Variants in ATF7IP observed in about 807,000 individuals in gnomAD.
ATF7IP encodes the protein activating transcription factor 7-interacting protein 1.
Under a neutral mutation model 106.4 loss-of-function variants are expected in ATF7IP, and 23 were observed. That is an observed-to-expected ratio of 0.22 (90% CI 0.16 to 0.31). ATF7IP has a LOEUF of 0.31. Among genes scored for constraint, ATF7IP ranks in the 10% least tolerant of loss-of-function variants. The pLI is 1.00. For synonymous variants in ATF7IP, 542 were observed against 539.0 expected, an observed-to-expected ratio of 1.01 and a Z score of -0.08; for missense variants, 1,334 against 1,524.3, an observed-to-expected ratio of 0.88 and a Z score of 2.08.
At chr12:14,386,729 T>C (rs1939261523) in intron 1 of ATF7IP, among the ~76,000 whole-genome samples, 1 of 152,122 alleles carries the variant, frequency 6.6e-6, no homozygotes, top group African/African-American at 2.4e-5. Flanking sequence ...TAAACAAAAC[T>C]TGGAAACGAG....
chr12:14,377,315 C>T lies in ATF7IP; in HGVS notation c.-8+11488C>T, dbSNP rs970794265. On this transcript the variant is annotated intron_variant, in intron 1 of 14. Transcript: ENST00000261168. ...CAGCCCGAAATTCATTTTTAAATTT[C>T]ACATTTCCAGTGTGGTTACGGTTAC... Among the ~76,000 whole-genome samples the T allele has an allele frequency of 5.3e-5, 8 of 150,426 alleles. No homozygotes were observed. The Admixed American group carries it at 5.3e-4, about 10-fold the overall frequency.
intron 1 of ATF7IP, among the ~76,000 whole-genome samples, chr12:14,405,389 C>CT (rs904980498): frequency 1.5e-4 from 17 of 109,758 alleles, no homozygotes; most frequent in African/African-American, 4.9e-4. Context: ...GATTTAGGGT[C>CT]TTTTTTCTTT....
chr12:14,461,491 A>G (rs1943636461), intron 9 of ATF7IP, among the ~76,000 whole-genome samples: 1 of 152,190 alleles, frequency 6.6e-6, no homozygotes, highest in Non-Finnish European at 1.5e-5. Flanking sequence ...TACATAATAT[A>G]TGCTTTTAAG....
intron 1 of ATF7IP, among the ~76,000 whole-genome samples, chr12:14,401,013 C>G (rs1235083068): frequency 6.6e-6 from 1 of 151,920 alleles, no homozygotes; most frequent in East Asian, 1.9e-4. Flanking sequence ...GAATACTAAT[C>G]CTATATCACT....
chr12:14,421,927 G>A (rs774564795), intron 1 of ATF7IP, among the ~76,000 whole-genome samples: 1 of 152,072 alleles, frequency 6.6e-6, no homozygotes, highest in African/African-American at 2.4e-5. Flanking sequence ...ACCTTTTTAA[G>A]AAACCTACTT....
chr12:14,391,941 G>A (rs1350036546), intron 1 of ATF7IP, among the ~76,000 whole-genome samples: 2 of 151,788 alleles, frequency 1.3e-5, no homozygotes, highest in East Asian at 1.9e-4. Flanking sequence ...GGTTGGTCTC[G>A]AACTCCTGAC....
rs1255880720 is a variant in ATF7IP at position 14,499,628 on chromosome 12, G to C, written c.*1555G>C. The C allele has an allele frequency of 6.6e-6, 1 of 152,144 alleles. No homozygotes were observed. Among genetic ancestry groups the C allele is most frequent in the Non-Finnish European group, 1.5e-5 (1 of 68,036 alleles). 9.4% of individuals were successfully genotyped at this position (152,144 alleles called of 1,614,324 possible). On this transcript the variant is annotated 3_prime_UTR_variant, in exon 15 of 15. Transcript: ENST00000261168. ...GTTTTGATGGTGCCAAGTTGAGTCT[G>C]ATGTACCCATTGTTAGCTTTGGATA...
In ATF7IP at chr12:14,498,330, T is replaced by C. The variant is rs1041425282; in HGVS notation, c.*257T>C. 3.3e-5 allele frequency: 13 copies of C among 397,020 alleles called. No individual in the cohort carries two copies. Among genetic ancestry groups the C allele is most frequent in the African/African-American group, 2.0e-4 (10 of 49,204 alleles). 24.6% of individuals were successfully genotyped at this position (397,020 alleles called of 1,614,324 possible). On this transcript the variant is annotated 3_prime_UTR_variant, in exon 15 of 15. Coordinates refer to ENST00000261168, the MANE Select transcript of ATF7IP (RefSeq NM_018179.5). ...GCTTTAGTTTTGAGGCTGGGGAATA[T>C]GTGTGGGTGTTTATGTGTGTTTTTC...
intron 1 of ATF7IP, among the ~76,000 whole-genome samples, chr12:14,376,544 G>A (rs1565469109): frequency 6.6e-6 from 1 of 152,156 alleles, no homozygotes; most frequent in African/African-American, 2.4e-5. Context: ...GATGTTTTGT[G>A]AACTGCTATA....
chr12:14,483,117 TGACTAC>T (rs1235445757), intron 13 of ATF7IP, among the ~76,000 whole-genome samples: 1 of 152,252 alleles, frequency 6.6e-6, no homozygotes, highest in Non-Finnish European at 1.5e-5. Context: ...CTGGTATTGA[TGACTAC>T]CTTCTTCTAC....
chr12:14,394,943 A>G (rs1939755288), intron 1 of ATF7IP: 2 of 152,170 alleles, frequency 1.3e-5, no homozygotes. Context: ...GTCATTTTGA[A>G]GATATACTCT....
intron 1 of ATF7IP, among the ~76,000 whole-genome samples, chr12:14,366,937 A>G (rs537477825): frequency 1.3e-5 from 2 of 152,272 alleles, no homozygotes; most frequent in South Asian, 4.1e-4. Context: ...GGTTTTATTA[A>G]TAGTTTTTTA....
intron 1 of ATF7IP, among the ~76,000 whole-genome samples, chr12:14,421,228 A>G (rs1246719200): frequency 6.6e-6 from 1 of 152,228 alleles, no homozygotes; most frequent in Non-Finnish European, 1.5e-5. Context: ...GTAATTATGC[A>G]TCAGTCTTGA....
chr12:14,425,611 T>TA (rs1941801862), intron 2 of ATF7IP, 138 bp downstream of exon 2: 1 of 841,292 alleles, frequency 1.2e-6, no homozygotes, highest in African/African-American at 1.7e-5. Flanking sequence ...AAAGATGTCT[T>TA]AACTTCATAG....
chr12:14,429,364 T>G (rs1053485848), intron 2 of ATF7IP, among the ~76,000 whole-genome samples: 1 of 152,202 alleles, frequency 6.6e-6, no homozygotes, highest in Non-Finnish European at 1.5e-5. Context: ...CCTTTCTCAT[T>G]CTATTTCTTG....
chr12:14,457,891 T>G (rs570155051), intron 8 of ATF7IP, among the ~76,000 whole-genome samples: 1 of 152,086 alleles, frequency 6.6e-6, no homozygotes, highest in South Asian at 2.1e-4. Flanking sequence ...GGTTAGGAGT[T>G]TGAGACCAGC....
At chr12:14,450,406 T>C (rs1277441072) in intron 6 of ATF7IP, among the ~76,000 whole-genome samples, 2 of 152,216 alleles carry the variant, frequency 1.3e-5, no homozygotes, top group Non-Finnish European at 2.9e-5. Flanking sequence ...TGTCAAGTTC[T>C]TTTGCTGCAT....
Position 14,460,568 on chromosome 12 carries a change from G to A in ATF7IP, c.2232G>A (p.Ser744=), listed in dbSNP as rs374075959. Residue 744 remains serine (S), a synonymous_variant, in exon 9 of 15, where the codon TCG becomes TCA. Transcript: ENST00000261168. The stretch of plus-strand genomic sequence containing the variant: ...CTAAATTGCAGACTCCAGTGACTTC[G>A]GGTTCCCTCACAGCAACGTCAGTTC... The part of the protein sequence containing the change: ...SQPKLQTPVT[S]GSLTATSVLP... The A allele has an allele frequency of 2.1e-5, 34 of 1,614,100 alleles. No homozygotes were observed. Among genetic ancestry groups the A allele is most frequent in the Admixed American group, 3.3e-5 (2 of 59,996 alleles).
chr12:14,438,375 G>C, intron 5 of ATF7IP, 108 bp downstream of exon 5: 1 of 1,107,592 alleles, frequency 9.0e-7, no homozygotes, highest in Non-Finnish European at 1.3e-6. Flanking sequence ...AATTCTAAAT[G>C]TAAGAAGGAA....
Sources: allele counts gnomAD v4.1 joint callset (sites outside exome capture counted in the v4.1 genomes callset), GRCh38; gene constraint gnomAD v4.1.1; transcripts MANE v1.5; gene names NCBI Gene and HGNC (gene_info 2026-07-23, HGNC 2026-07-21).